NDUFA9: variants seen among roughly 807,000 people sequenced by gnomAD.
The protein encoded by NDUFA9 is NADH dehydrogenase [ubiquinone] 1 alpha subcomplex subunit 9, mitochondrial.
Under a neutral mutation model 45.9 loss-of-function variants are expected in NDUFA9, and 23 were observed. That is an observed-to-expected ratio of 0.50 (90% CI 0.36 to 0.71). The LOEUF (loss-of-function observed/expected upper bound fraction) is 0.71, where lower values mean the gene tolerates loss of function less well. NDUFA9 is among the 30% of genes least tolerant of loss of function. The probability of loss-of-function intolerance (pLI) is 0.00; values close to 1 mark genes in which losing one functional copy is unlikely to be tolerated. For synonymous variants in NDUFA9, 176 were observed against 170.5 expected, an observed-to-expected ratio of 1.03 and a Z score of -0.25; for missense variants, 466 against 488.2, an observed-to-expected ratio of 0.95 and a Z score of 0.43.
intron 2 of NDUFA9, 41 bp from the exon 3 acceptor site, chr12:4,654,784 T>C (rs1591542221): frequency 7.0e-7 from 1 of 1,424,286 alleles, no homozygotes; most frequent in African/African-American, 1.4e-5. Context: ...ATATCCACAT[T>C]ATGTTAATGT....
intron 8 of NDUFA9, among the ~76,000 whole-genome samples, chr12:4,675,328 G>A (rs923326663): frequency 5.9e-5 from 9 of 152,236 alleles, no homozygotes; most frequent in Admixed American, 2.0e-4. Context: ...GAGCAGAACC[G>A]AAGGAGATAG....
chr12:4,686,318 T>C (rs940331177), intron 10 of NDUFA9, among the ~76,000 whole-genome samples: 1 of 152,188 alleles, frequency 6.6e-6, no homozygotes, highest in African/African-American at 2.4e-5. Context: ...TTGCAAACTT[T>C]ACAGTTCATT....
At position 4,686,583 on chromosome 12, in the gene NDUFA9, C is replaced by T. The variant is rs150081922; in HGVS notation, c.964-355C>T. Among the ~76,000 whole-genome samples the T allele has an allele frequency of 2.0e-5, 3 of 152,232 alleles. No homozygotes were observed. In the East Asian group the frequency reaches 5.8e-4, roughly 29 times the overall value. The stretch of plus-strand genomic sequence containing the variant: ...AGCCCTGATTTTATTCCTAAACCCT[C>T]CTGTTCAGCCTCCCCTGGCAAGTGT... On this transcript the variant is annotated intron_variant, in intron 10 of 10. Transcript: ENST00000266544.
chr12:4,660,536 T>C (rs973848660), intron 5 of NDUFA9, among the ~76,000 whole-genome samples: 1 of 152,048 alleles, frequency 6.6e-6, no homozygotes, highest in Non-Finnish European at 1.5e-5. Flanking sequence ...GAGGATAAGA[T>C]GGCTGAAGAT....
At position 4,692,447 on chromosome 12, in the gene NDUFA9, T is replaced by A. The variant is rs575263599; in HGVS notation, c.*5339T>A. 1.3e-5 allele frequency: 2 copies of A among 152,420 alleles called. No individual in the cohort carries two copies. Among genetic ancestry groups the A allele is most frequent in the South Asian group, 4.1e-4 (2 of 4,838 alleles). 9.4% of individuals were successfully genotyped at this position (152,420 alleles called of 1,614,324 possible). On this transcript the variant is annotated 3_prime_UTR_variant, in exon 11 of 11. Coordinates refer to ENST00000266544, the MANE Select transcript of NDUFA9 (RefSeq NM_005002.5). ...GCCTCCCCAGAAGCAGATGCCTATG[T>A]GACGCTTCCTGTACAGCCTGCAGAA...
At chr12:4,676,556 A>G (rs1031742007) in intron 8 of NDUFA9, among the ~76,000 whole-genome samples, 2 of 152,230 alleles carry the variant, frequency 1.3e-5, no homozygotes, top group Admixed American at 6.5e-5. Flanking sequence ...TGCTACAAAG[A>G]GAATAAAATA....
At chr12:4,667,063 G>A (rs544937521) in intron 6 of NDUFA9, among the ~76,000 whole-genome samples, 1 of 152,244 alleles carries the variant, frequency 6.6e-6, no homozygotes, top group South Asian at 2.1e-4. Context: ...CTGGAGGCTG[G>A]GAATCTCAAG....
chr12:4,687,437 A>G lies in NDUFA9; in HGVS notation c.*329A>G, dbSNP rs909779751. On this transcript the variant is annotated 3_prime_UTR_variant, in exon 11 of 11. Transcript: ENST00000266544. ...ACCCTTTTTAATGTCAAAGTATTGTAAAGACCCCAAGTGATATGTGATTGT... is the reference window on the plus strand; with the variant it reads ...ACCCTTTTTAATGTCAAAGTATTGTGAAGACCCCAAGTGATATGTGATTGT... The G allele has an allele frequency of 9.9e-5, 18 of 182,710 alleles. No individual in the cohort carries two copies. Among genetic ancestry groups the G allele is most frequent in the Non-Finnish European group, 1.8e-4 (16 of 88,542 alleles). 11.3% of individuals were successfully genotyped at this position (182,710 alleles called of 1,614,324 possible).
At chr12:4,651,261 T>A (rs1215620090) in intron 1 of NDUFA9, among the ~76,000 whole-genome samples, 1 of 152,108 alleles carries the variant, frequency 6.6e-6, no homozygotes, top group Non-Finnish European at 1.5e-5. Flanking sequence ...ATAATGAATA[T>A]ATAATTAATA....
rs188250810 is a variant in NDUFA9, at chr12:4,656,285, G to T, written c.318+1363G>T. ...GTATATTCTTGGTATTAAAGTTACA[G>T]AATCTTAGCTTATTCCTAGTTCTTT... On this transcript the variant is annotated intron_variant, in intron 3 of 10. Transcript: ENST00000266544. Among the ~76,000 whole-genome samples the T allele has an allele frequency of 3.3e-5, 5 of 152,244 alleles. No individual in the cohort carries two copies. The East Asian group carries it at 5.8e-4, about 18-fold the overall frequency.
chr12:4,652,156 T>C (rs1311666926), intron 1 of NDUFA9, among the ~76,000 whole-genome samples: 1 of 152,200 alleles, frequency 6.6e-6, no homozygotes, highest in African/African-American at 2.4e-5. Flanking sequence ...TTTTCTCTTG[T>C]TACAGTGGGT....
intron 5 of NDUFA9, among the ~76,000 whole-genome samples, chr12:4,661,980 G>A (rs867031933): frequency 4.6e-5 from 7 of 152,152 alleles, no homozygotes; most frequent in Non-Finnish European, 8.8e-5. Context: ...TCCAGTGGTG[G>A]TGGAAGTAGA....
intron 6 of NDUFA9, among the ~76,000 whole-genome samples, chr12:4,668,105 C>T (rs1242267965): frequency 2.0e-5 from 3 of 152,132 alleles, no homozygotes; most frequent in African/African-American, 7.2e-5. Context: ...GCCATATCAA[C>T]AGATGAGTAT....
At chr12:4,656,149 T>C (rs1169027132) in intron 3 of NDUFA9, among the ~76,000 whole-genome samples, 1 of 152,246 alleles carries the variant, frequency 6.6e-6, no homozygotes, top group Admixed American at 6.5e-5. Flanking sequence ...TTTCATTTCA[T>C]TTTCACATTT....
rs145275641 is a variant in NDUFA9, at chr12:4,654,384, C to T, written c.142C>T (p.Arg48Cys). 5.6e-6 allele frequency: 9 copies of T among 1,614,156 alleles called. No individual in the cohort carries two copies. Among genetic ancestry groups the T allele is most frequent in the Admixed American group, 1.7e-5 (1 of 60,022 alleles). Residue 48 changes from arginine (R) to cysteine (C), a missense_variant, in exon 2 of 11, where the codon CGT (arginine) becomes TGT (cysteine). By Grantham distance (180) the Arg-to-Cys change is radical (BLOSUM62 -3). Transcript: ENST00000266544. The stretch of plus-strand genomic sequence containing the variant: ...CCTCATGCCTCATGGGAAAGGTGGA[C>T]GTTCCTCAGTCAGTGGGATTGTGGC... ...HALMPHGKGG[R>C]SSVSGIVATV...
chr12:4,652,326 A>G (rs948419851), intron 1 of NDUFA9, among the ~76,000 whole-genome samples: 2 of 151,148 alleles, frequency 1.3e-5, no homozygotes, highest in African/African-American at 4.9e-5. Flanking sequence ...CATATTTAAA[A>G]CAAACAAACA....
At position 4,694,264 on chromosome 12, in the gene NDUFA9, A is replaced by G. The variant is rs1946031846; in HGVS notation, c.*7156A>G. The G allele has an allele frequency of 6.6e-6, 1 of 152,204 alleles. No homozygotes were observed. The allele number at this position is 152,204 out of a possible 1,614,324, so 9.4% of individuals were successfully genotyped here. On this transcript the variant is annotated 3_prime_UTR_variant, in exon 11 of 11. Transcript: ENST00000266544. ...ATTTTGATCTTTGGATTCTCCTTGG[A>G]CATTCCTCACTGAAAAATGAAATAA...
intron 1 of NDUFA9, chr12:4,653,448 T>C (rs1945770995): frequency 3.3e-6 from 1 of 299,596 alleles, no homozygotes; most frequent in Non-Finnish European, 6.4e-6. Flanking sequence ...TCCACAGGTG[T>C]TCAGGCAAAA....
intron 5 of NDUFA9, among the ~76,000 whole-genome samples, chr12:4,660,974 A>G (rs1421687596): frequency 6.6e-6 from 1 of 150,844 alleles, no homozygotes; most frequent in Non-Finnish European, 1.5e-5. Flanking sequence ...GAGAGGATAG[A>G]AGCTGGAGGG....
Sources: allele counts gnomAD v4.1 joint callset (sites outside exome capture counted in the v4.1 genomes callset), GRCh38; gene constraint gnomAD v4.1.1; transcripts MANE v1.5; gene names NCBI Gene and HGNC (gene_info 2026-07-23, HGNC 2026-07-21).